PPM1L: variants seen among roughly 807,000 people sequenced by gnomAD.
PPM1L encodes the protein protein phosphatase, Mg2+/Mn2+ dependent 1L.
Under a neutral mutation model 31.4 loss-of-function variants are expected in PPM1L, and 13 were observed. The ratio of observed to expected loss-of-function variants is 0.41; its 90% CI spans 0.27 to 0.66. PPM1L has a LOEUF of 0.66. Among genes scored for constraint, PPM1L ranks in the 30% least tolerant of loss-of-function variants. The pLI, the probability that PPM1L is intolerant of heterozygous loss-of-function variation, is 0.29. For synonymous variants in PPM1L, 184 were observed against 175.4 expected (o/e 1.05, Z -0.39); for missense variants, 326 against 453.7 (o/e 0.72, Z 2.56).
At chr3:160,978,307 G>A (rs1376036869) in intron 2 of PPM1L, among the ~76,000 whole-genome samples, 1 of 152,144 alleles carries the variant, frequency 6.6e-6, no homozygotes, top group Non-Finnish European at 1.5e-5. Context: ...CCATGCCTTG[G>A]CATCAGGGAA....
intron 1 of PPM1L, among the ~76,000 whole-genome samples, chr3:160,910,394 C>T (rs1313912557): frequency 6.7e-6 from 1 of 149,622 alleles, no homozygotes; most frequent in Non-Finnish European, 1.5e-5. Flanking sequence ...CTCACTGCAA[C>T]CTCCGCCTCC....
chr3:160,997,332 G>A (rs1332826949), intron 2 of PPM1L, among the ~76,000 whole-genome samples: 1 of 152,190 alleles, frequency 6.6e-6, no homozygotes, highest in Non-Finnish European at 1.5e-5. Flanking sequence ...AGCTGGATAT[G>A]TGCGGGAGGT....
intron 1 of PPM1L, among the ~76,000 whole-genome samples, chr3:160,956,357 G>A (rs1715776379): frequency 1.3e-5 from 2 of 152,290 alleles, no homozygotes; most frequent in East Asian, 3.9e-4. Context: ...ATCTTTTCAG[G>A]TCTAACTGGA....
At chr3:160,804,957 G>A (rs1171592535) in intron 1 of PPM1L, among the ~76,000 whole-genome samples, 1 of 152,150 alleles carries the variant, frequency 6.6e-6, no homozygotes, top group Non-Finnish European at 1.5e-5. Flanking sequence ...GTTTGAGGTG[G>A]GACTCAAATG....
intron 2 of PPM1L, among the ~76,000 whole-genome samples, chr3:161,038,520 A>G (rs1226502179): frequency 5.5e-5 from 8 of 146,698 alleles, no homozygotes; most frequent in African/African-American, 7.5e-5. Context: ...TATGTTGCCC[A>G]GGCTCAAACT....
At chr3:160,855,443 CAGAATGGG>C (rs765451798) in intron 1 of PPM1L, among the ~76,000 whole-genome samples, 2 of 152,142 alleles carry the variant, frequency 1.3e-5, no homozygotes, top group Non-Finnish European at 2.9e-5. Flanking sequence ...CAACAGCCCA[CAGAATGGG>C]AGAAAATATT....
chr3:160,917,927 TAAAC>T (rs1714246917), intron 1 of PPM1L, among the ~76,000 whole-genome samples: 3 of 152,182 alleles, frequency 2.0e-5, no homozygotes, highest in Admixed American at 1.3e-4. Context: ...ACCAAAATGA[TAAAC>T]AAAACAATTA....
chr3:160,804,134 G>A (rs1296775926), intron 1 of PPM1L, among the ~76,000 whole-genome samples: 1 of 150,628 alleles, frequency 6.6e-6, no homozygotes, highest in Non-Finnish European at 1.5e-5. Flanking sequence ...GGGTTTCACC[G>A]TGTTAGCCAG....
chr3:160,944,848 T>C (rs1576731784), intron 1 of PPM1L, among the ~76,000 whole-genome samples: 1 of 51,686 alleles, frequency 1.9e-5, no homozygotes, highest in African/African-American at 6.8e-5. Flanking sequence ...ATGTTATATA[T>C]AACATATATT....
At chr3:161,040,031 G>A (rs1383853670) in intron 2 of PPM1L, among the ~76,000 whole-genome samples, 1 of 152,114 alleles carries the variant, frequency 6.6e-6, no homozygotes, top group African/African-American at 2.4e-5. Flanking sequence ...TTTGGAAACT[G>A]GGTATAAATC....
chr3:160,978,522 C>G (rs78130354), intron 2 of PPM1L, among the ~76,000 whole-genome samples: 1 of 152,064 alleles, frequency 6.6e-6, no homozygotes, highest in Non-Finnish European at 1.5e-5. Context: ...TCATTTCTTG[C>G]ATAACAACCA....
chr3:160,985,942 A>G (rs897344876), intron 2 of PPM1L, among the ~76,000 whole-genome samples: 2 of 149,862 alleles, frequency 1.3e-5, no homozygotes, highest in Admixed American at 6.8e-5. Flanking sequence ...AGATGCCTAT[A>G]TTGATGGCAC....
chr3:161,005,491 G>T (rs571148728), intron 2 of PPM1L, among the ~76,000 whole-genome samples: 5 of 152,156 alleles, frequency 3.3e-5, no homozygotes, highest in Admixed American at 1.3e-4. Context: ...GAGTGGGAAG[G>T]TGTTCAAGAA....
chr3:160,778,946 C>G (rs532785609), intron 1 of PPM1L, among the ~76,000 whole-genome samples: 9 of 152,080 alleles, frequency 5.9e-5, no homozygotes, highest in African/African-American at 2.2e-4. Context: ...TCTTTTTTAC[C>G]TTTTTGTGCA....
intron 1 of PPM1L, among the ~76,000 whole-genome samples, chr3:160,914,534 A>G (rs1714089645): frequency 6.8e-6 from 1 of 147,122 alleles, no homozygotes; most frequent in Admixed American, 7.2e-5. Flanking sequence ...GTGAGAACAT[A>G]CAGTGTTTGG....
chr3:161,019,369 A>T (rs1015713867), intron 2 of PPM1L, among the ~76,000 whole-genome samples: 3 of 151,968 alleles, frequency 2.0e-5, no homozygotes, highest in South Asian at 2.1e-4. Flanking sequence ...GATTTAAAAA[A>T]TTTTTTTTTG....
intron 2 of PPM1L, among the ~76,000 whole-genome samples, chr3:161,005,478 T>C (rs953022469): frequency 6.6e-6 from 1 of 152,154 alleles, no homozygotes; most frequent in African/African-American, 2.4e-5. Flanking sequence ...CATCTCAAGG[T>C]CAGAGTGGGA....
At chr3:161,002,355 TAATGGGATGGCTGGGTCA>T in intron 2 of PPM1L, among the ~76,000 whole-genome samples, 1 of 152,296 alleles carries the variant, frequency 6.6e-6, no homozygotes, top group East Asian at 1.9e-4. Flanking sequence ...ATATACCCAG[TAATGGGATGGCTGGGTCA>T]AATGGTATTT....
intron 1 of PPM1L, among the ~76,000 whole-genome samples, chr3:160,855,883 G>C (rs981417142): frequency 1.3e-5 from 2 of 151,990 alleles, no homozygotes; most frequent in Admixed American, 1.3e-4. Context: ...TCTCTAGAGG[G>C]ACAGAACTAA....
Sources: allele counts gnomAD v4.1 joint callset (sites outside exome capture counted in the v4.1 genomes callset), GRCh38; gene constraint gnomAD v4.1.1; transcripts MANE v1.5; gene names NCBI Gene and HGNC (gene_info 2026-07-23, HGNC 2026-07-21).